Variants in LAMB3 observed in about 807,000 individuals in gnomAD.
LAMB3 encodes laminin subunit beta-3.
Under a neutral mutation model 140.3 loss-of-function variants are expected in LAMB3, and 104 were observed. The observed-to-expected ratio is 0.74, with a 90% CI of 0.63 to 0.87. The LOEUF (loss-of-function observed/expected upper bound fraction) is 0.87. Ranked by LOEUF, LAMB3 falls within the 40% of genes least tolerant of loss-of-function variation. LAMB3 has a pLI of 0.00. For synonymous variants in LAMB3, 592 were observed against 602.9 expected (o/e 0.98, Z 0.26); for missense variants, 1,531 against 1,575.2 (o/e 0.97, Z 0.47).
At chr1:209,630,771 A>C (rs940312389) in intron 8 of LAMB3, 36 bp from the exon 9 acceptor site, 1 of 1,611,384 alleles carries the variant, frequency 6.2e-7, no homozygotes, top group Non-Finnish European at 8.5e-7. Context: ...GGAGTAATCA[A>C]CAAAGAAGGG....
At chr1:209,624,943 GGGAA>G (rs895961440) in intron 14 of LAMB3, among the ~76,000 whole-genome samples, 63 of 144,148 alleles carry the variant, frequency 4.4e-4, no homozygotes, top group Middle Eastern at 3.6e-3. Context: ...AGGAAAAAAA[GGGAA>G]GGAAGGAAGG....
chr1:209,616,650 G>A (rs1377905331), intron 21 of LAMB3, 26 bp from the exon 22 acceptor site: 2 of 1,612,368 alleles, frequency 1.2e-6, no homozygotes, highest in Admixed American at 3.3e-5. Context: ...TAGTCTCAGT[G>A]TCATTGTCAT....
intron 18 of LAMB3, among the ~76,000 whole-genome samples, chr1:209,620,594 G>C (rs780584944): frequency 2.0e-5 from 3 of 152,250 alleles, no homozygotes; most frequent in Admixed American, 1.3e-4. Flanking sequence ...GACAGAGTCA[G>C]ACAATTAGGC....
intron 1 of LAMB3, 107 bp from the exon 2 acceptor site, chr1:209,651,088 C>G: frequency 1.3e-6 from 1 of 793,472 alleles, no homozygotes; most frequent in Admixed American, 1.9e-5. Context: ...AAGTCTTTAC[C>G]TAGGGTCCTG....
chr1:209,623,448 G>T lies in LAMB3; in HGVS notation c.2358+57C>A, dbSNP rs907576400. On this transcript the variant is annotated intron_variant, in intron 16 of 22. Coordinates refer to ENST00000356082, the MANE Select transcript of LAMB3 (RefSeq NM_000228.3). This position sits in a 1 kb window ranked among gnomAD's most constrained non-coding sequence, Gnocchi z 4.2. ...AATAGGAAGCAGGTGGCAGCAGTTG[G>T]TGTGTGACAAGCTGGGGTGTGGGCT... is the stretch of plus-strand genomic sequence containing the variant. 1.6e-5 allele frequency: 24 copies of T among 1,520,144 alleles called. No homozygotes were observed. In the African/African-American group the frequency reaches 1.8e-4, roughly 11 times the overall value. The allele number at this position is 1,520,144 out of a possible 1,614,324, so 94.2% of individuals were successfully genotyped here. A position where few individuals can be genotyped will look rare whatever the true frequency, so the allele number is the denominator to read the frequency against.
At chr1:209,642,566 C>G (rs1431390879) in intron 3 of LAMB3, among the ~76,000 whole-genome samples, 1 of 152,226 alleles carries the variant, frequency 6.6e-6, no homozygotes, top group African/African-American at 2.4e-5. Context: ...CAACCCTCTG[C>G]CTCCCAGGCT....
intron 4 of LAMB3, 132 bp from the exon 5 acceptor site, chr1:209,638,113 A>C (rs1282111251): frequency 2.6e-6 from 2 of 762,668 alleles, no homozygotes; most frequent in Non-Finnish European, 4.5e-6. Context: ...TCCCTCTTGG[A>C]GAGGAGTGGG....
intron 5 of LAMB3, among the ~76,000 whole-genome samples, chr1:209,635,367 TACTC>T (rs1246062577): frequency 4.6e-5 from 7 of 151,944 alleles, no homozygotes; most frequent in African/African-American, 1.5e-4. Flanking sequence ...CGTTCACTCT[TACTC>T]AGTCATATCT....
At chr1:209,627,885 C>A in intron 11 of LAMB3, 150 bp downstream of exon 11, 1 of 1,067,336 alleles carries the variant, frequency 9.4e-7, no homozygotes, top group South Asian at 1.4e-5. Flanking sequence ...GCAAGAAGTC[C>A]GGACTCCTGG....
intron 14 of LAMB3, 123 bp from the exon 15 acceptor site, chr1:209,624,123 G>T: frequency 2.5e-6 from 2 of 800,398 alleles, no homozygotes; most frequent in Non-Finnish European, 3.9e-6. Flanking sequence ...AAAGGCAACA[G>T]AACAGAGAAT....
chr1:209,627,280 C>A, intron 12 of LAMB3, 103 bp downstream of exon 12: 4 of 956,842 alleles, frequency 4.2e-6, no homozygotes, highest in Non-Finnish European at 4.7e-6. Flanking sequence ...CCCAGTCTGA[C>A]AGGGGAGAGG....
chr1:209,629,998 C>T, intron 9 of LAMB3, 73 bp from the exon 10 acceptor site: 1 of 1,430,536 alleles, frequency 7.0e-7, no homozygotes, highest in Non-Finnish European at 9.8e-7. Context: ...TCCACAAAAG[C>T]TCACTGGCAT....
At chr1:209,617,657 C>A in intron 20 of LAMB3, 71 bp from the exon 21 acceptor site, 1 of 1,567,730 alleles carries the variant, frequency 6.4e-7, no homozygotes. Flanking sequence ...CCCATTTTTT[C>A]TCCAACTCAT....
At position 209,622,981 on chromosome 1, in the gene LAMB3, C is replaced by T. The variant is rs1178041263; in HGVS notation, c.2556+1G>A. ...GCCCACCCCGCCTCGGCTGCACTTA[C>T]CATCTGCCTGGTCCGCTGGAGCTGG... On this transcript the variant is annotated splice_donor_variant, in intron 17 of 22. Coordinates refer to ENST00000356082, the MANE Select transcript of LAMB3 (RefSeq NM_000228.3). LOFTEE classifies it high-confidence loss of function. The T allele has an allele frequency of 1.2e-6, 2 of 1,613,008 alleles. No homozygotes were observed. The highest frequency in any genetic ancestry group is 1.7e-6 in the Non-Finnish European group (2 of 1,179,962).
Position 209,626,936 on chromosome 1 carries a change from T to C in LAMB3, c.1528A>G (p.Met510Val). ...CPCREGFGGLMCSAAAIRQCP... is the reference protein window; with the variant it reads ...CPCREGFGGLVCSAAAIRQCP... ...TGGCGGATGGCTGCAGCGCTGCACA[T>C]CAGGCCACCAAAGCCTTCCCGACAG... Residue 510 changes from methionine to valine, a missense_variant, in exon 13 of 23, where the codon ATG becomes GTG. Physicochemically the swap from Met to Val is conservative, Grantham distance 21. Transcript: ENST00000356082. 1.2e-6 allele frequency: 2 copies of C among 1,613,830 alleles called. No individual in the cohort carries two copies. Among genetic ancestry groups the C allele is most frequent in the Non-Finnish European group, 1.7e-6 (2 of 1,179,946 alleles).
chr1:209,624,068 C>A, intron 14 of LAMB3, 68 bp from the exon 15 acceptor site: 2 of 1,361,054 alleles, frequency 1.5e-6, no homozygotes, highest in East Asian at 4.6e-5. Flanking sequence ...CAGCTATCCC[C>A]TCAGAGCAAC....
Position 209,623,465 on chromosome 1 carries a change from G to A in LAMB3, c.2358+40C>T. The A allele has an allele frequency of 6.3e-7, 1 of 1,578,870 alleles. No homozygotes were observed. The highest frequency in any genetic ancestry group is 8.7e-7 in the Non-Finnish European group (1 of 1,147,796). On this transcript the variant is annotated intron_variant, in intron 16 of 22. Coordinates refer to ENST00000356082, the MANE Select transcript of LAMB3 (RefSeq NM_000228.3). The surrounding 1 kb of genome is among the most constrained non-coding windows in gnomAD (Gnocchi z 4.2). ...AGCAGTTGGTGTGTGACAAGCTGGG[G>A]TGTGGGCTCCAGGAAGTGGGACTCC... is the stretch of plus-strand genomic sequence containing the variant.
chr1:209,635,615 C>T lies in LAMB3; in HGVS notation c.373-977G>A, dbSNP rs149473610. Among the ~76,000 whole-genome samples the T allele has an allele frequency of 4.8e-3, 726 of 152,256 alleles. 7 individuals carry two copies. The highest frequency in any genetic ancestry group is 0.016 in the African/African-American group (683 of 41,554). Reference sequence around the variant, plus strand: ...ATGGGTTTTCACCATGTTGGCCAGGCTGGTCTTGAACTCCTGACCTCAAGT... The same window carrying T: ...ATGGGTTTTCACCATGTTGGCCAGGTTGGTCTTGAACTCCTGACCTCAAGT... On this transcript the variant is annotated intron_variant, in intron 5 of 22. Coordinates refer to ENST00000356082, the MANE Select transcript of LAMB3 (RefSeq NM_000228.3).
At chr1:209,636,624 AG>A (rs1666902315) in intron 5 of LAMB3, among the ~76,000 whole-genome samples, 2 of 152,012 alleles carry the variant, frequency 1.3e-5, no homozygotes, top group Non-Finnish European at 2.9e-5. Flanking sequence ...TTCACCCTCC[AG>A]GCCCTGTGTG....
Sources: gnomAD v4.1 joint callset for allele counts (sites outside exome capture counted in the v4.1 genomes callset) on GRCh38, gnomAD v4.1.1 for gene constraint, Gnocchi (gnomAD v3.1) non-coding constraint, MANE v1.5 for transcripts, NCBI Gene and HGNC (gene_info 2026-07-23, HGNC 2026-07-21) for gene names.